EIF4A1: variants seen among roughly 807,000 people sequenced by gnomAD.
EIF4A1 encodes eukaryotic initiation factor 4A-I.
EIF4A1 carries 11 observed loss-of-function variants against 53.5 expected under a neutral mutation model. The observed-to-expected ratio is 0.21, with a 90% CI of 0.13 to 0.34. EIF4A1 has a LOEUF of 0.34. Ranked by LOEUF, EIF4A1 falls within the 10% of genes least tolerant of loss-of-function variation. The pLI, the probability that EIF4A1 is intolerant of heterozygous loss-of-function variation, is 1.00. For synonymous variants in EIF4A1, 237 were observed against 186.7 expected, an observed-to-expected ratio of 1.27 and a Z score of -2.20; for missense variants, 213 against 530.8, an observed-to-expected ratio of 0.40 and a Z score of 5.88.
intron 3 of EIF4A1, 86 bp downstream of exon 3, chr17:7,574,764 C>T (rs138246644): frequency 6.3e-7 from 1 of 1,594,488 alleles, no homozygotes; most frequent in East Asian, 2.2e-5. Flanking sequence ...CATCTCATAT[C>T]AGCCAGGGAC....
intron 3 of EIF4A1, 70 bp from the exon 4 acceptor site, chr17:7,575,049 T>G: frequency 6.3e-7 from 1 of 1,590,532 alleles, no homozygotes; most frequent in African/African-American, 1.3e-5. Context: ...ATTGACCTCA[T>G]TAACCTAGGA....
rs776065527 is a variant in EIF4A1 at position 7,578,378 on chromosome 17, G to A, written c.1113G>A (p.Val371=). The change falls in exon 11 of 11, where the codon GTG becomes GTA. Residue 371 remains valine, a synonymous_variant. Transcript: ENST00000293831. ...GTGGACGGTTTGGCCGTAAAGGTGTGGCTATTAACATGGTGACAGAAGAAG... is the reference window on the plus strand; with the variant it reads ...GTGGACGGTTTGGCCGTAAAGGTGTAGCTATTAACATGGTGACAGAAGAAG... ...GRGGRFGRKG[V]AINMVTEEDK... The A allele has an allele frequency of 6.2e-7, 1 of 1,613,518 alleles. No homozygotes were observed. The highest frequency in any genetic ancestry group is 2.2e-5 in the East Asian group (1 of 44,864).
intron 10 of EIF4A1, 36 bp from the exon 11 acceptor site, chr17:7,578,306 C>A: frequency 6.2e-7 from 1 of 1,613,398 alleles, no homozygotes; most frequent in South Asian, 1.1e-5. Context: ...GGGCTTAAAG[C>A]TCCTGATATT....
At position 7,577,700 on chromosome 17, in the gene EIF4A1, C is replaced by A. The variant is rs780057605; in HGVS notation, c.900C>A (p.Ser300=). Residue 300 remains serine (S), a synonymous_variant, in exon 8 of 11, where the codon TCC becomes TCA. Coordinates refer to ENST00000293831, the MANE Select transcript of EIF4A1 (RefSeq NM_001416.4). This position sits in a 1 kb window ranked among gnomAD's most constrained non-coding sequence, Gnocchi z 4.7. ...EKMHARDFTV[S]AMHGDMDQKE... is the part of the protein sequence containing the mutation. Reference sequence around the variant, plus strand: ...TGCATGCTCGAGATTTCACTGTATCCGCCATGGTGTGTTTGCCCGCTGCCA... The same window carrying A: ...TGCATGCTCGAGATTTCACTGTATCAGCCATGGTGTGTTTGCCCGCTGCCA... The A allele has an allele frequency of 2.8e-4, 445 of 1,613,442 alleles. 3 individuals carry two copies. In the South Asian group the frequency reaches 2.9e-3, roughly 11 times the overall value.
chr17:7,575,348 C>T, intron 4 of EIF4A1, 90 bp downstream of exon 4: 1 of 1,580,580 alleles, frequency 6.3e-7, no homozygotes, highest in Non-Finnish European at 8.6e-7. Context: ...TGATCACCAC[C>T]TTGGGAGGAA....
chr17:7,577,021 A>G lies in EIF4A1; in HGVS notation c.515-35A>G, dbSNP rs1242368658. ...ATATCTCTCCCACATTTCCCTAATC[A>G]TATGCTATATATTGGCTTTTTTTTT... On this transcript the variant is annotated intron_variant, in intron 5 of 10. Coordinates refer to ENST00000293831, the MANE Select transcript of EIF4A1 (RefSeq NM_001416.4). This position sits in a 1 kb window ranked among gnomAD's most constrained non-coding sequence, Gnocchi z 4.7. 1.2e-6 allele frequency: 2 copies of G among 1,609,864 alleles called. No individual in the cohort carries two copies. Among genetic ancestry groups the G allele is most frequent in the Non-Finnish European group, 1.7e-6 (2 of 1,176,648 alleles).
Position 7,576,520 on chromosome 17 carries a change from T to C in EIF4A1, c.346-4T>C. 1.3e-6 allele frequency: 2 copies of C among 1,571,892 alleles called. No individual in the cohort carries two copies. The highest frequency in any genetic ancestry group is 1.2e-5 in the South Asian group (1 of 85,858). ...CATATGAGCACCTGCCTCTCTCTGC[T>C]CAGATACAGAAGGTGGTCATGGCAC... On this transcript the variant is annotated splice_polypyrimidine_tract_variant and splice_region_variant and intron_variant, in intron 4 of 10. Transcript: ENST00000293831.
At chr17:7,575,446 T>C in intron 4 of EIF4A1, 188 bp downstream of exon 4, 1 of 924,036 alleles carries the variant, frequency 1.1e-6, no homozygotes, top group Non-Finnish European at 1.7e-6. Flanking sequence ...CCTCCACCCA[T>C]TTCCTGAGTC....
In EIF4A1 at chr17:7,578,249, G is replaced by A. The variant is rs2071429418; in HGVS notation, c.1076+5G>A. 5 of 1,614,068 alleles carry A rather than the reference G, an allele frequency of 3.1e-6. No homozygotes were observed. In the South Asian group the frequency reaches 5.5e-5, roughly 18 times the overall value. On this transcript the variant is annotated splice_donor_5th_base_variant and intron_variant, in intron 10 of 10. Coordinates refer to ENST00000293831, the MANE Select transcript of EIF4A1 (RefSeq NM_001416.4). Reference sequence around the variant, plus strand: ...CAGGGAAAACTATATCCACAGGTAAGCGTAGATCTGGAACACTCCCCTACC... The same window carrying A: ...CAGGGAAAACTATATCCACAGGTAAACGTAGATCTGGAACACTCCCCTACC...
chr17:7,574,903 T>G (rs2071380577), intron 3 of EIF4A1: 1 of 1,023,308 alleles, frequency 9.8e-7, no homozygotes, highest in South Asian at 1.3e-5. Context: ...TACAGCCATG[T>G]TTCTAGTCCA....
intron 3 of EIF4A1, 64 bp downstream of exon 3, chr17:7,574,742 G>A (rs1249577884): frequency 3.7e-6 from 6 of 1,605,264 alleles, no homozygotes; most frequent in Non-Finnish European, 5.1e-6. Context: ...GTGGCATCTG[G>A]TTGGTGATGC....
intron 9 of EIF4A1, 96 bp downstream of exon 9, chr17:7,578,012 T>C (rs1255692119): frequency 6.3e-7 from 1 of 1,580,886 alleles, no homozygotes; most frequent in Admixed American, 1.7e-5. Flanking sequence ...AGTAGCAGCT[T>C]GGAATAGAAT....
intron 1 of EIF4A1, 124 bp downstream of exon 1, chr17:7,572,988 G>A (rs1875029957): frequency 6.4e-7 from 1 of 1,569,758 alleles, no homozygotes. Flanking sequence ...TGGGGGGAGG[G>A]TCCGACTTGG....
chr17:7,577,319 T>C lies in EIF4A1; in HGVS notation c.625-25T>C. On this transcript the variant is annotated intron_variant, in intron 6 of 10. Transcript: ENST00000293831. The surrounding 1 kb of genome is among the most constrained non-coding windows in gnomAD (Gnocchi z 4.7). ...AGGCCTCAGGAAGGAACCAGCACTC[T>C]AAGACTGGCCTTTTTTTCCACTAGG... 2 of 1,613,508 alleles carry C rather than the reference T, an allele frequency of 1.2e-6. No homozygotes were observed. The highest frequency in any genetic ancestry group is 1.7e-4 in the Middle Eastern group (1 of 6,002).
chr17:7,574,145 A>G (rs2071367017), intron 1 of EIF4A1, 115 bp from the exon 2 acceptor site: 2 of 1,220,434 alleles, frequency 1.6e-6, no homozygotes, highest in South Asian at 1.3e-5. Context: ...TGGGAGTTGG[A>G]TCTGGGACAG....
Position 7,577,199 on chromosome 17 carries a change from C to A in EIF4A1, c.624+34C>A, listed in dbSNP as rs746957247. 6.4e-7 allele frequency: 1 copy of A among 1,569,010 alleles called. No individual in the cohort carries two copies. The highest frequency in any genetic ancestry group is 2.2e-5 in the East Asian group (1 of 44,644). On this transcript the variant is annotated intron_variant, in intron 6 of 10. Coordinates refer to ENST00000293831, the MANE Select transcript of EIF4A1 (RefSeq NM_001416.4). The surrounding 1 kb of genome is among the most constrained non-coding windows in gnomAD (Gnocchi z 4.7). ...AGTCTTGCTTGAATAGCTAATGATT[C>A]TTGAAAAATAGTAAGTGCCAGGGGA...
chr17:7,578,581 T>C lies in EIF4A1; in HGVS notation c.*95T>C. On this transcript the variant is annotated 3_prime_UTR_variant, in exon 11 of 11. Transcript: ENST00000293831. ...AGGGAAGGGAGCCAAGGGATGGACA[T>C]CTTGTCATTTTTTTTCTTTGAATAA... 2.9e-6 allele frequency: 4 copies of C among 1,362,424 alleles called. No homozygotes were observed. Among genetic ancestry groups the C allele is most frequent in the Non-Finnish European group, 3.8e-6 (4 of 1,042,498 alleles). 84.4% of individuals were successfully genotyped at this position (1,362,424 alleles called of 1,614,324 possible).
At position 7,578,501 on chromosome 17, in the gene EIF4A1, A is replaced by T. The variant is rs1289570782; in HGVS notation, c.*15A>T. 2 of 1,565,234 alleles carry T rather than the reference A, an allele frequency of 1.3e-6. No homozygotes were observed. The highest frequency in any genetic ancestry group is 3.6e-5 in the Admixed American group (2 of 55,668). ...ACCTCATCTGAGGGGCTGTCCTGCC[A>T]CCCAGCCCCAGCCAGGGCTCAATCT... On this transcript the variant is annotated 3_prime_UTR_variant, in exon 11 of 11. Transcript: ENST00000293831.
rs374537204 is a variant in EIF4A1 at position 7,574,880 on chromosome 17, T to G, written c.205+202T>G. ...TTAAAGAGGTGGTATTGTAGCCAGC[T>G]TATATTTGCATCTACAGCCATGTTT... On this transcript the variant is annotated intron_variant, in intron 3 of 10. Transcript: ENST00000293831. 9.4e-5 allele frequency: 101 copies of G among 1,074,568 alleles called. No individual in the cohort carries two copies. The African/African-American group carries it at 1.4e-3, about 15-fold the overall frequency. The allele number at this position is 1,074,568 out of a possible 1,614,324, so 66.6% of individuals were successfully genotyped here.
Sources: gnomAD v4.1 joint callset for allele counts on GRCh38, gnomAD v4.1.1 for gene constraint, Gnocchi (gnomAD v3.1) non-coding constraint, MANE v1.5 for transcripts, NCBI Gene and HGNC (gene_info 2026-07-23, HGNC 2026-07-21) for gene names.